Variants in HIBADH observed in about 807,000 individuals in gnomAD.
The protein encoded by HIBADH is 3-hydroxyisobutyrate dehydrogenase, mitochondrial.
In HIBADH, 25 loss-of-function variants were observed where a neutral mutation model predicts 36.1. The observed-to-expected ratio is 0.69, with a 90% CI of 0.50 to 0.97. The LOEUF is 0.97. Among genes scored for constraint, HIBADH ranks in the 50% least tolerant of loss-of-function variants. The probability of loss-of-function intolerance (pLI) is 0.00; values close to 1 mark genes in which losing one functional copy is unlikely to be tolerated. For synonymous variants in HIBADH, 160 were observed against 149.5 expected, an observed-to-expected ratio of 1.07 and a Z score of -0.51; for missense variants, 421 against 418.0, an observed-to-expected ratio of 1.01 and a Z score of -0.06.
chr7:27,528,317 T>C (rs1783941809), intron 7 of HIBADH, among the ~76,000 whole-genome samples: 1 of 152,114 alleles, frequency 6.6e-6, no homozygotes, highest in Non-Finnish European at 1.5e-5. Context: ...TCTCACACTT[T>C]AAATCAAAAG....
At chr7:27,583,046 T>C (rs892492507) in intron 4 of HIBADH, among the ~76,000 whole-genome samples, 1 of 152,218 alleles carries the variant, frequency 6.6e-6, no homozygotes, top group Middle Eastern at 3.4e-3. Flanking sequence ...TACCTATCTT[T>C]ACCAATAAGC....
At chr7:27,591,254 T>TC (rs886465305) in intron 4 of HIBADH, among the ~76,000 whole-genome samples, 1 of 152,152 alleles carries the variant, frequency 6.6e-6, no homozygotes, top group African/African-American at 2.4e-5. Flanking sequence ...TCAGCTCACT[T>TC]AAGATTATCA....
chr7:27,567,051 A>ACG (rs1784557073), intron 4 of HIBADH, among the ~76,000 whole-genome samples: 1 of 152,186 alleles, frequency 6.6e-6, no homozygotes, highest in East Asian at 1.9e-4. Context: ...CATTTGATTG[A>ACG]CGATGTTGCT....
rs368715218 is a variant in HIBADH, at chr7:27,638,308, C to CAAAAAAAA, written c.253-5871_253-5864dup. Among the ~76,000 whole-genome samples the CAAAAAAAA allele has an allele frequency of 6.6e-3, 366 of 55,372 alleles. 3 individuals are homozygous for CAAAAAAAA. Among genetic ancestry groups the CAAAAAAAA allele is most frequent in the Middle Eastern group, 0.018 (1 of 56 alleles). 36.3% of individuals were successfully genotyped at this position (55,372 alleles called of 152,430 possible). On this transcript the variant is annotated intron_variant, in intron 2 of 7. Transcript: ENST00000265395. ...ATACCCATCTGATCTTTGGCAAAGT[C>CAAAAAAAA]AAAAAAAAAAAAAAAAAAAAAACAA...
At chr7:27,534,341 A>G (rs1784042318) in intron 6 of HIBADH, among the ~76,000 whole-genome samples, 1 of 152,212 alleles carries the variant, frequency 6.6e-6, no homozygotes, top group Admixed American at 6.5e-5. Context: ...GAAATGAAAC[A>G]TCTAAGACCA....
chr7:27,619,003 T>A (rs73684007), intron 4 of HIBADH, among the ~76,000 whole-genome samples: 5 of 152,068 alleles, frequency 3.3e-5, no homozygotes, highest in Admixed American at 6.6e-5. Context: ...GGATTACATA[T>A]CAACATGAGA....
chr7:27,660,675 A>C (rs77178931), intron 1 of HIBADH, among the ~76,000 whole-genome samples: 1 of 151,396 alleles, frequency 6.6e-6, no homozygotes, highest in African/African-American at 2.4e-5. Context: ...AAAAAAAAAA[A>C]TTTTTTTCAA....
intron 2 of HIBADH, among the ~76,000 whole-genome samples, chr7:27,641,565 G>A (rs1657975484): frequency 6.6e-6 from 1 of 152,106 alleles, no homozygotes; most frequent in Admixed American, 6.5e-5. Flanking sequence ...TATGGTAATA[G>A]AATGAAATTC....
At chr7:27,555,219 T>G (rs925395324) in intron 4 of HIBADH, among the ~76,000 whole-genome samples, 9 of 151,966 alleles carry the variant, frequency 5.9e-5, no homozygotes, top group African/African-American at 2.2e-4. Context: ...AACCACTGCT[T>G]AATGGTGGTA....
intron 4 of HIBADH, among the ~76,000 whole-genome samples, chr7:27,579,413 C>A (rs1784759012): frequency 6.6e-6 from 1 of 152,100 alleles, no homozygotes; most frequent in African/African-American, 2.4e-5. Flanking sequence ...TCTCTATACA[C>A]CCATTATTTA....
chr7:27,648,803 T>C (rs938923893), intron 2 of HIBADH, among the ~76,000 whole-genome samples: 3 of 152,238 alleles, frequency 2.0e-5, no homozygotes, highest in Admixed American at 6.5e-5. Flanking sequence ...ACATGAATGA[T>C]AGCCTAAAAA....
intron 6 of HIBADH, among the ~76,000 whole-genome samples, chr7:27,535,297 G>A (rs1784057635): frequency 6.6e-6 from 1 of 151,898 alleles, no homozygotes; most frequent in South Asian, 2.1e-4. Context: ...ATTTATTAGG[G>A]TAAACAACTA....
intron 3 of HIBADH, among the ~76,000 whole-genome samples, chr7:27,631,945 G>A (rs1293732994): frequency 1.3e-5 from 2 of 152,090 alleles, no homozygotes; most frequent in African/African-American, 4.8e-5. Flanking sequence ...AATGTTAAAC[G>A]ATGGTGTTCT....
chr7:27,581,000 T>C (rs1208076716), intron 4 of HIBADH, among the ~76,000 whole-genome samples: 1 of 152,142 alleles, frequency 6.6e-6, no homozygotes, highest in African/African-American at 2.4e-5. Flanking sequence ...ACTGTGTCTA[T>C]TCTCAGTGAA....
chr7:27,608,079 G>A (rs1478853051), intron 4 of HIBADH, among the ~76,000 whole-genome samples: 1 of 152,146 alleles, frequency 6.6e-6, no homozygotes, highest in Non-Finnish European at 1.5e-5. Flanking sequence ...TAGGTACAAT[G>A]TCCTCCTAGA....
At chr7:27,647,483 C>T (rs12700829) in intron 2 of HIBADH, among the ~76,000 whole-genome samples, 120,513 of 152,178 alleles carry the variant, frequency 0.79, 48,097 homozygotes, top group East Asian at 0.97. Context: ...CAAGCATTGG[C>T]TTCTTGATAG....
intron 2 of HIBADH, among the ~76,000 whole-genome samples, chr7:27,640,777 C>G (rs972349990): frequency 6.6e-6 from 1 of 152,108 alleles, no homozygotes. Flanking sequence ...AGGCTACAAA[C>G]CTGTACAGCA....
At chr7:27,626,372 C>T (rs1326538432) in intron 4 of HIBADH, among the ~76,000 whole-genome samples, 1 of 152,124 alleles carries the variant, frequency 6.6e-6, no homozygotes, top group Non-Finnish European at 1.5e-5. Context: ...AGTGGTTCTT[C>T]ACATTGGTTT....
At chr7:27,639,450 G>A (rs1382212059) in intron 2 of HIBADH, among the ~76,000 whole-genome samples, 1 of 152,102 alleles carries the variant, frequency 6.6e-6, no homozygotes, top group Non-Finnish European at 1.5e-5. Context: ...GGGGGAGGGA[G>A]GGACAGAGGG....
Sources: allele counts gnomAD v4.1 joint callset (sites outside exome capture counted in the v4.1 genomes callset), GRCh38; gene constraint gnomAD v4.1.1; transcripts MANE v1.5; gene names NCBI Gene and HGNC (gene_info 2026-07-23, HGNC 2026-07-21).